LRRFIP1: variants seen among roughly 807,000 people sequenced by gnomAD.
The protein encoded by LRRFIP1 is leucine-rich repeat flightless-interacting protein 1.
In LRRFIP1, 62 loss-of-function variants were observed where a neutral mutation model predicts 104.4. That is an observed-to-expected ratio of 0.59 (90% CI 0.48 to 0.73). LRRFIP1 has a LOEUF of 0.73. Among genes scored for constraint, LRRFIP1 ranks in the 30% least tolerant of loss-of-function variants. LRRFIP1 has a pLI of 0.00. For missense variants in LRRFIP1, 796 were observed against 824.5 expected (o/e 0.97, Z 0.42); for synonymous variants, 300 against 299.0 (o/e 1.00, Z -0.03).
intron 1 of LRRFIP1, among the ~76,000 whole-genome samples, chr2:237,648,450 G>A (rs900787550): frequency 6.6e-6 from 1 of 151,812 alleles, no homozygotes; most frequent in Non-Finnish European, 1.5e-5. Flanking sequence ...CTCACGGCCA[G>A]GTGCCGTTGG....
In LRRFIP1 at chr2:237,739,269, G is replaced by A. The variant is rs553023312; in HGVS notation, c.593G>A (p.Arg198His). The change falls in exon 11 of 24, where the codon CGC (arginine) becomes CAC (histidine). Residue 198 changes from arginine to histidine, a missense_variant. By Grantham distance (29) the Arg-to-His change is conservative (BLOSUM62 0). Coordinates refer to ENST00000308482, the MANE Select transcript of LRRFIP1 (RefSeq NM_001137550.2). ...AGCGGCCACCTCAACTCCAGCTCCC[G>A]CGCCTCCTCCAGGGCCAGCTCGGCC... ...EYSGHLNSSS[R>H]ASSRASSARA... 4.1e-5 allele frequency: 64 copies of A among 1,565,480 alleles called. No individual in the cohort carries two copies. In the East Asian group the frequency reaches 6.9e-4, roughly 17 times the overall value.
chr2:237,638,594 CTG>C (rs2083435331), intron 1 of LRRFIP1, among the ~76,000 whole-genome samples: 1 of 152,202 alleles, frequency 6.6e-6, no homozygotes, highest in Non-Finnish European at 1.5e-5. Context: ...ACTCTGTGCT[CTG>C]TGTCTGTGCA....
chr2:237,712,455 G>C (rs1212462136), intron 2 of LRRFIP1, among the ~76,000 whole-genome samples: 1 of 152,158 alleles, frequency 6.6e-6, no homozygotes, highest in Non-Finnish European at 1.5e-5. Context: ...GAAAAATAAA[G>C]TTCTCCTTGG....
chr2:237,742,096 G>A (rs547858624), intron 11 of LRRFIP1, among the ~76,000 whole-genome samples: 8 of 152,324 alleles, frequency 5.3e-5, no homozygotes, highest in South Asian at 4.1e-4. Context: ...GAAATTGACC[G>A]AAGAGACTGA....
intron 19 of LRRFIP1, among the ~76,000 whole-genome samples, chr2:237,767,774 C>T (rs539320111): frequency 1.3e-5 from 2 of 152,266 alleles, no homozygotes; most frequent in African/African-American, 2.4e-5. Context: ...GGAGACCACC[C>T]CCCAACCCTG....
At chr2:237,739,445 C>A in intron 11 of LRRFIP1, 136 bp downstream of exon 11, 1 of 812,922 alleles carries the variant, frequency 1.2e-6, no homozygotes. Context: ...CTCAACTTTT[C>A]AAGGACCGTA....
At chr2:237,748,655 G>A (rs1041419760) in intron 12 of LRRFIP1, among the ~76,000 whole-genome samples, 1 of 152,036 alleles carries the variant, frequency 6.6e-6, no homozygotes. Flanking sequence ...CCAGCTAATC[G>A]CAGAGCATCC....
At position 237,744,138 on chromosome 2, in the gene LRRFIP1, G is replaced by C. The variant is rs150260690; in HGVS notation, c.634-4226G>C. Among the ~76,000 whole-genome samples the C allele has an allele frequency of 3.5e-3, 535 of 152,324 alleles. 1 individual carries two copies. The highest frequency in any genetic ancestry group is 0.01 in the Middle Eastern group (3 of 294). The stretch of plus-strand genomic sequence containing the variant: ...TACAAACACCAGAGTTCAAAGATAA[G>C]TCATTCAGGCTAAAGTAAATATTAT... On this transcript the variant is annotated intron_variant, in intron 11 of 23. Transcript: ENST00000308482.
chr2:237,691,821 CT>C lies in LRRFIP1; in HGVS notation c.97-16720del, dbSNP rs1163375998. Among the ~76,000 whole-genome samples, 2 of 152,154 alleles carry C rather than the reference CT, an allele frequency of 1.3e-5. No homozygotes were observed. Among genetic ancestry groups the C allele is most frequent in the East Asian group, 3.9e-4 (2 of 5,188 alleles). ...TGAGGGGTCTTTTCCTCCAGGTCCT[CT>C]TTCCGGCGGGGGCCGGAGGGGTGGT... On this transcript the variant is annotated intron_variant, in intron 1 of 23. Coordinates refer to ENST00000308482, the MANE Select transcript of LRRFIP1 (RefSeq NM_001137550.2). This position sits in a 1 kb window ranked among gnomAD's most constrained non-coding sequence, Gnocchi z 5.4.
chr2:237,771,895 G>C, intron 20 of LRRFIP1, 186 bp from the exon 21 acceptor site: 1 of 575,514 alleles, frequency 1.7e-6, no homozygotes, highest in South Asian at 2.1e-5. Flanking sequence ...TTTTCTCTCA[G>C]AGTTACAGTG....
chr2:237,718,390 C>T (rs1401684899), intron 4 of LRRFIP1, among the ~76,000 whole-genome samples: 1 of 152,354 alleles, frequency 6.6e-6, no homozygotes, highest in East Asian at 1.9e-4. Flanking sequence ...TTACCTTCTC[C>T]ACCTGCTTCC....
intron 12 of LRRFIP1, 104 bp from the exon 13 acceptor site, chr2:237,749,095 C>T (rs753981004): frequency 1.3e-5 from 16 of 1,228,420 alleles, no homozygotes; most frequent in South Asian, 2.9e-5. Flanking sequence ...CCACCAGGGC[C>T]GTCCCTCATC....
intron 1 of LRRFIP1, among the ~76,000 whole-genome samples, chr2:237,637,576 G>T (rs2083292586): frequency 6.6e-6 from 1 of 152,194 alleles, no homozygotes; most frequent in African/African-American, 2.4e-5. Flanking sequence ...AAAATACCTG[G>T]AGAGTTTAGG....
chr2:237,653,954 T>G (rs1362322380), intron 1 of LRRFIP1, among the ~76,000 whole-genome samples: 2 of 152,248 alleles, frequency 1.3e-5, no homozygotes, highest in Non-Finnish European at 2.9e-5. Context: ...AAACAATGAT[T>G]TTTTTGGATA....
intron 1 of LRRFIP1, among the ~76,000 whole-genome samples, chr2:237,702,921 G>A (rs1446195686): frequency 6.6e-6 from 1 of 152,208 alleles, no homozygotes; most frequent in Non-Finnish European, 1.5e-5. Flanking sequence ...TTGAAGACAA[G>A]TCAGAGGGAG....
At chr2:237,761,662 C>T (rs762449619) in intron 19 of LRRFIP1, among the ~76,000 whole-genome samples, 11 of 152,034 alleles carry the variant, frequency 7.2e-5, no homozygotes, top group Non-Finnish European at 1.2e-4. Context: ...ATAAAATGTA[C>T]GTTATAAAAT....
Position 237,748,548 on chromosome 2 carries a change from C to T in LRRFIP1, c.669+149C>T, listed in dbSNP as rs7585782. On this transcript the variant is annotated intron_variant, in intron 12 of 23. Coordinates refer to ENST00000308482, the MANE Select transcript of LRRFIP1 (RefSeq NM_001137550.2). Reference sequence around the variant, plus strand: ...CCCACCTAACCTGGTATCACCTTCCCGGAGGTAGGCCACCGGGAGTCCTGT... The same window carrying T: ...CCCACCTAACCTGGTATCACCTTCCTGGAGGTAGGCCACCGGGAGTCCTGT... 536 of 686,392 alleles carry T rather than the reference C, an allele frequency of 7.8e-4. 2 individuals are homozygous for T. Among genetic ancestry groups the T allele is most frequent in the African/African-American group, 7.3e-3 (402 of 55,286 alleles). 42.5% of individuals were successfully genotyped at this position (686,392 alleles called of 1,614,324 possible).
In LRRFIP1 at chr2:237,749,301, G is replaced by T; in HGVS notation, c.772G>T (p.Glu258Ter). 6.2e-7 allele frequency: 1 copy of T among 1,613,570 alleles called. No homozygotes were observed. The highest frequency in any genetic ancestry group is 8.5e-7 in the Non-Finnish European group (1 of 1,179,938). Residue 258 changes from glutamate (E) to a stop codon, truncating the protein, a stop_gained, in exon 13 of 24, where the codon GAG becomes TAG. Coordinates refer to ENST00000308482, the MANE Select transcript of LRRFIP1 (RefSeq NM_001137550.2). LOFTEE classifies it high-confidence loss of function. ...SGDTSISIDT[E>*]ASIREIKELN... ...AGACACCTCCATCTCCATCGACACC[G>T]AGGCATCCATCAGGGAAATCAAGGT...
rs1056556892 is a variant in LRRFIP1, at chr2:237,711,153, G to GA, written c.183+2528dup. On this transcript the variant is annotated intron_variant, in intron 2 of 23. Transcript: ENST00000308482. The surrounding 1 kb of genome is among the most constrained non-coding windows in gnomAD (Gnocchi z 4.4). ...CTTGGGCATTTAATTTTAGTATCAT[G>GA]AAAAAGGGGTGCAGGGCAGCCCTCA... is the stretch of plus-strand genomic sequence containing the variant. Among the ~76,000 whole-genome samples the GA allele has an allele frequency of 1.3e-5, 2 of 152,224 alleles. No individual in the cohort carries two copies. The highest frequency in any genetic ancestry group is 4.8e-5 in the African/African-American group (2 of 41,460).
Sources: gnomAD v4.1 joint callset for allele counts (sites outside exome capture counted in the v4.1 genomes callset) on GRCh38, gnomAD v4.1.1 for gene constraint, Gnocchi (gnomAD v3.1) non-coding constraint, MANE v1.5 for transcripts, NCBI Gene and HGNC (gene_info 2026-07-23, HGNC 2026-07-21) for gene names.